NR3C1: variants seen among roughly 807,000 people sequenced by gnomAD.
NR3C1 encodes nuclear receptor subfamily 3 group C member 1, also known as glucocorticoid receptor.
In NR3C1, 14 loss-of-function variants were observed where a neutral mutation model predicts 74.0. The observed-to-expected ratio is 0.19, with a 90% confidence interval of 0.12 to 0.30. NR3C1 has a LOEUF of 0.30. NR3C1 is among the 10% of genes least tolerant of loss of function. NR3C1 has a pLI of 1.00. For synonymous variants in NR3C1, 308 were observed against 332.5 expected (o/e 0.93, Z 0.80); for missense variants, 695 against 909.8 (o/e 0.76, Z 3.04).
chr5:143,334,138 T>C lies in NR3C1; in HGVS notation c.1185-19970A>G, dbSNP rs553510070. 3.3e-5 allele frequency among the ~76,000 whole-genome samples: 5 copies of C among 152,194 alleles called. No individual in the cohort carries two copies. The South Asian group carries it at 1.0e-3, about 32-fold the overall frequency. On this transcript the variant is annotated intron_variant, in intron 2 of 8. Transcript: ENST00000394464. ...GGCTCATGCCTGTAATCCCAACACT[T>C]TGGGAGGCTGAGGCAGGCAGATCAC...
At chr5:143,419,944 G>C (rs1751133732) in intron 1 of NR3C1, among the ~76,000 whole-genome samples, 1 of 152,108 alleles carries the variant, frequency 6.6e-6, no homozygotes, top group Non-Finnish European at 1.5e-5. Context: ...ACCCAAGGGG[G>C]CCATTTCAGA....
intron 2 of NR3C1, among the ~76,000 whole-genome samples, chr5:143,356,854 A>T (rs1831241698): frequency 6.6e-6 from 1 of 152,212 alleles, no homozygotes; most frequent in Non-Finnish European, 1.5e-5. Flanking sequence ...ATACACACAG[A>T]ATACTAGGAT....
chr5:143,412,373 G>A (rs777578462), intron 1 of NR3C1, among the ~76,000 whole-genome samples: 4 of 151,968 alleles, frequency 2.6e-5, no homozygotes, highest in Non-Finnish European at 5.9e-5. Context: ...CCACATGGAG[G>A]GGTTATTTGT....
At chr5:143,327,829 G>A (rs553395360) in intron 2 of NR3C1, among the ~76,000 whole-genome samples, 1 of 152,358 alleles carries the variant, frequency 6.6e-6, no homozygotes, top group South Asian at 2.1e-4. Flanking sequence ...GCTCAGCAGG[G>A]TACCCCTGTG....
At chr5:143,322,321 C>G (rs555265734) in intron 2 of NR3C1, among the ~76,000 whole-genome samples, 1 of 152,286 alleles carries the variant, frequency 6.6e-6, no homozygotes, top group South Asian at 2.1e-4. Context: ...CTTCATTTTC[C>G]ACTATGATAA....
chr5:143,409,435 A>G (rs1472004844), intron 1 of NR3C1, among the ~76,000 whole-genome samples: 3 of 152,200 alleles, frequency 2.0e-5, no homozygotes, highest in Non-Finnish European at 2.9e-5. Context: ...TTAAATATAA[A>G]TGGGAACCAT....
At chr5:143,382,162 G>A (rs1182859781) in intron 2 of NR3C1, among the ~76,000 whole-genome samples, 1 of 152,092 alleles carries the variant, frequency 6.6e-6, no homozygotes, top group East Asian at 1.9e-4. Flanking sequence ...ATGAAGAAAT[G>A]TTCAACATCC....
chr5:143,325,651 C>T (rs565948711), intron 2 of NR3C1, among the ~76,000 whole-genome samples: 9 of 152,158 alleles, frequency 5.9e-5, no homozygotes, highest in Admixed American at 2.0e-4. Context: ...TTTTACTCTT[C>T]CTAATTAGTA....
intron 2 of NR3C1, among the ~76,000 whole-genome samples, chr5:143,370,407 A>T (rs1834037652): frequency 2.0e-5 from 3 of 152,254 alleles, no homozygotes; most frequent in African/African-American, 7.2e-5. Context: ...TATCGTCAGC[A>T]TTCTTCTCAA....
chr5:143,332,753 T>C lies in NR3C1; in HGVS notation c.1185-18585A>G, dbSNP rs552347675. On this transcript the variant is annotated intron_variant, in intron 2 of 8. Transcript: ENST00000394464. ...ATGCCTTGGAATTGCCAGATAAACA[T>C]TCCTTGGCCTTTGTTGTACGCATCG... 74 of 1,586,620 alleles carry C rather than the reference T, an allele frequency of 4.7e-5. No individual in the cohort carries two copies. The East Asian group carries it at 1.2e-3, about 26-fold the overall frequency.
At chr5:143,298,551 A>G in intron 6 of NR3C1, 117 bp downstream of exon 6, 1 of 1,148,180 alleles carries the variant, frequency 8.7e-7, no homozygotes, top group Admixed American at 1.8e-5. Context: ...CCTAGATCCT[A>G]GATACCTAGT....
intron 2 of NR3C1, among the ~76,000 whole-genome samples, chr5:143,368,749 T>A (rs1365747593): frequency 6.6e-6 from 1 of 152,144 alleles, no homozygotes; most frequent in Non-Finnish European, 1.5e-5. Context: ...TAGGATGGTG[T>A]CTTAGTCTGT....
chr5:143,324,147 G>A (rs936499529), intron 2 of NR3C1, among the ~76,000 whole-genome samples: 4 of 152,228 alleles, frequency 2.6e-5, no homozygotes, highest in African/African-American at 9.6e-5. Flanking sequence ...CCACTGGGCA[G>A]TGCCCCAGTA....
At chr5:143,308,091 A>G (rs992966816) in intron 4 of NR3C1, among the ~76,000 whole-genome samples, 5 of 152,138 alleles carry the variant, frequency 3.3e-5, no homozygotes, top group African/African-American at 7.2e-5. Flanking sequence ...CATACCCATA[A>G]ATCTATTTTC....
chr5:143,330,298 T>C (rs1825701667), intron 2 of NR3C1, among the ~76,000 whole-genome samples: 9 of 152,220 alleles, frequency 5.9e-5, no homozygotes. Flanking sequence ...AGCACTTTTT[T>C]TGAGAAAGAA....
intron 2 of NR3C1, among the ~76,000 whole-genome samples, chr5:143,356,320 T>C (rs978436481): frequency 6.6e-6 from 1 of 152,128 alleles, no homozygotes; most frequent in Non-Finnish European, 1.5e-5. Context: ...AACCAATTTT[T>C]AGCATAAAGA....
chr5:143,403,590 A>G lies in NR3C1; in HGVS notation c.-393T>C, dbSNP rs1409804658. 15 of 986,024 alleles carry G rather than the reference A, an allele frequency of 1.5e-5. No homozygotes were observed. Among genetic ancestry groups the G allele is most frequent in the African/African-American group, 3.5e-5 (2 of 57,360 alleles). 61.1% of individuals were successfully genotyped at this position (986,024 alleles called of 1,614,324 possible). A position where few individuals can be genotyped will look rare whatever the true frequency, so the allele number is the denominator to read the frequency against. ...TCACAGACACGAGCTCGCAAAATGG[A>G]GGAGGCGGCGGCGGAGGGAAGAGAG... On this transcript the variant is annotated 5_prime_UTR_variant, in exon 1 of 9. Coordinates refer to ENST00000394464, the MANE Select transcript of NR3C1 (RefSeq NM_000176.3).
At chr5:143,435,446 G>T (rs878925988) in exon 1 of NR3C1, 1 of 985,380 alleles carries the variant, frequency 1.0e-6, no homozygotes, top group Non-Finnish European at 1.2e-6. Context: ...GAATGAGGGC[G>T]AGAGGGAGCA....
intron 1 of NR3C1, among the ~76,000 whole-genome samples, chr5:143,414,130 T>A (rs1305547320): frequency 6.6e-6 from 1 of 152,240 alleles, no homozygotes; most frequent in East Asian, 1.9e-4. Context: ...AAATTTCAAA[T>A]GTTACACAAA....
Sources: gnomAD v4.1 joint callset for allele counts (sites outside exome capture counted in the v4.1 genomes callset) on GRCh38, gnomAD v4.1.1 for gene constraint, MANE v1.5 for transcripts, NCBI Gene and HGNC (gene_info 2026-07-23, HGNC 2026-07-21) for gene names.